Variants in MEMO1 observed in about 807,000 individuals in gnomAD.
MEMO1 encodes protein MEMO1.
Under a neutral mutation model 45.2 loss-of-function variants are expected in MEMO1, and 6 were observed. The ratio of observed to expected loss-of-function variants is 0.13; its 90% confidence interval spans 0.07 to 0.26. The LOEUF (loss-of-function observed/expected upper bound fraction) is 0.26, where lower values mean the gene tolerates loss of function less well. MEMO1 is among the 10% of genes least tolerant of loss of function. The pLI is 1.00. For synonymous variants in MEMO1, 78 were observed against 124.3 expected, an observed-to-expected ratio of 0.63 and a Z score of 2.48; for missense variants, 184 against 370.5, an observed-to-expected ratio of 0.50 and a Z score of 4.13.
At chr2:31,954,265 G>A (rs1667160715) in intron 2 of MEMO1, among the ~76,000 whole-genome samples, 1 of 152,008 alleles carries the variant, frequency 6.6e-6, no homozygotes, top group African/African-American at 2.4e-5. Flanking sequence ...TAACTAATGG[G>A]GTATGATTTT....
chr2:31,885,778 A>G (rs958830754), intron 7 of MEMO1, among the ~76,000 whole-genome samples: 9 of 152,194 alleles, frequency 5.9e-5, no homozygotes, highest in African/African-American at 2.2e-4. Flanking sequence ...ACTGGGACAT[A>G]ATCTACTGCT....
At chr2:31,986,458 T>C (rs1174394466) in intron 2 of MEMO1, among the ~76,000 whole-genome samples, 2 of 152,230 alleles carry the variant, frequency 1.3e-5, no homozygotes, top group East Asian at 3.9e-4. Context: ...AGCGAAAGTG[T>C]GAGACACTGT....
intron 6 of MEMO1, among the ~76,000 whole-genome samples, chr2:31,892,638 C>T (rs374255394): frequency 3.3e-5 from 5 of 152,230 alleles, no homozygotes; most frequent in South Asian, 2.1e-4. Flanking sequence ...TCTTGGCTCC[C>T]GTAAGTTTTA....
At chr2:31,885,276 C>T (rs1409229137) in intron 7 of MEMO1, among the ~76,000 whole-genome samples, 1 of 152,164 alleles carries the variant, frequency 6.6e-6, no homozygotes, top group Non-Finnish European at 1.5e-5. Context: ...TGTGCCACCA[C>T]ATCCAGCTAC....
intron 4 of MEMO1, 84 bp from the exon 5 acceptor site, chr2:31,920,994 A>C: frequency 3.3e-6 from 3 of 902,992 alleles, no homozygotes; most frequent in Non-Finnish European, 5.1e-6. Flanking sequence ...AGTAATTCTT[A>C]CAAATCACTT....
chr2:31,933,353 A>T (rs796980918), intron 3 of MEMO1, among the ~76,000 whole-genome samples: 1 of 16,494 alleles, frequency 6.1e-5, no homozygotes, highest in Non-Finnish European at 1.1e-4. Flanking sequence ...AAAAAAATTT[A>T]TATATATATA....
intron 8 of MEMO1, among the ~76,000 whole-genome samples, chr2:31,876,994 C>T (rs972731506): frequency 1.3e-5 from 2 of 152,228 alleles, no homozygotes; most frequent in Non-Finnish European, 2.9e-5. Context: ...ACACTGCAGC[C>T]ATATGATCTA....
intron 4 of MEMO1, chr2:31,923,569 C>T (rs975023487): frequency 1.9e-5 from 27 of 1,399,778 alleles, no homozygotes; most frequent in Non-Finnish European, 2.5e-5. Flanking sequence ...TAAAGGCTTA[C>T]GTGGGCTATA....
intron 6 of MEMO1, among the ~76,000 whole-genome samples, chr2:31,904,367 T>C (rs1679354521): frequency 6.6e-6 from 1 of 152,250 alleles, no homozygotes; most frequent in African/African-American, 2.4e-5. Context: ...CCTGGAATTT[T>C]GGTAGCTGTG....
At chr2:31,902,397 CAA>C in intron 6 of MEMO1, among the ~76,000 whole-genome samples, 1 of 134,476 alleles carries the variant, frequency 7.4e-6, no homozygotes. Context: ...GACTCTGCCT[CAA>C]AAAAAAAAAA....
At chr2:32,001,955 G>A (rs1673371193) in intron 2 of MEMO1, among the ~76,000 whole-genome samples, 2 of 151,636 alleles carry the variant, frequency 1.3e-5, no homozygotes, top group Admixed American at 1.3e-4. Context: ...AGACCATCCT[G>A]ACCAACATGG....
chr2:31,936,205 G>A (rs915175122), intron 3 of MEMO1, among the ~76,000 whole-genome samples: 1 of 151,806 alleles, frequency 6.6e-6, no homozygotes. Context: ...CTTGTGATCC[G>A]CCTGCCTCAG....
intron 6 of MEMO1, among the ~76,000 whole-genome samples, chr2:31,912,795 G>A (rs1315270536): frequency 6.6e-6 from 1 of 152,076 alleles, no homozygotes; most frequent in Non-Finnish European, 1.5e-5. Flanking sequence ...GTAAACACTG[G>A]CTGAGTAGAA....
intron 3 of MEMO1, among the ~76,000 whole-genome samples, chr2:31,940,853 C>T (rs995333104): frequency 1.3e-5 from 2 of 152,150 alleles, no homozygotes; most frequent in East Asian, 3.9e-4. Context: ...CTTGACTCTT[C>T]TTCTCTCTAT....
chr2:31,974,870 G>A (rs1231632720), intron 2 of MEMO1, among the ~76,000 whole-genome samples: 4 of 151,978 alleles, frequency 2.6e-5, no homozygotes, highest in African/African-American at 9.7e-5. Flanking sequence ...GGAATACCAT[G>A]AAAATTTAAA....
chr2:31,900,180 G>A (rs1382676418), intron 6 of MEMO1, among the ~76,000 whole-genome samples: 2 of 152,156 alleles, frequency 1.3e-5, no homozygotes, highest in East Asian at 3.8e-4. Flanking sequence ...CCATTACTGG[G>A]TATATACCCA....
rs1442853882 is a variant in MEMO1, at chr2:32,010,368, G to T, written c.-17-104C>A. 26 of 458,152 alleles carry T rather than the reference G, an allele frequency of 5.7e-5. No individual in the cohort carries two copies. In the South Asian group the frequency reaches 5.9e-4, roughly 10 times the overall value. 28.4% of individuals were successfully genotyped at this position (458,152 alleles called of 1,614,324 possible). A position where few individuals can be genotyped will look rare whatever the true frequency, so the allele number is the denominator to read the frequency against. ...GCCCAGCCCAGGAGGAGGCGGCAGC[G>T]GGGAGGGGATCAGCCCGGCCCAGGA... On this transcript the variant is annotated intron_variant, in intron 1 of 9. Coordinates refer to ENST00000404530, the MANE Select transcript of MEMO1 (RefSeq NM_001301833.4).
intron 2 of MEMO1, among the ~76,000 whole-genome samples, chr2:31,969,424 CATAT>C (rs35992568): frequency 3.3e-5 from 5 of 149,934 alleles, no homozygotes; most frequent in African/African-American, 7.4e-5. Context: ...CGTATATATA[CATAT>C]ATGTGTGTGT....
At chr2:32,000,206 A>C (rs535471107) in intron 2 of MEMO1, among the ~76,000 whole-genome samples, 1 of 150,966 alleles carries the variant, frequency 6.6e-6, no homozygotes, top group Non-Finnish European at 1.5e-5. Flanking sequence ...CTCAAATGAC[A>C]TCTCAGTGAA....
Sources: allele counts gnomAD v4.1 joint callset (sites outside exome capture counted in the v4.1 genomes callset), GRCh38; gene constraint gnomAD v4.1.1; transcripts MANE v1.5; gene names NCBI Gene and HGNC (gene_info 2026-07-23, HGNC 2026-07-21).